SEPTIN11: variants seen among roughly 807,000 people sequenced by gnomAD.
The protein encoded by SEPTIN11 is septin-11.
A neutral mutation model predicts 51.4 loss-of-function variants in SEPTIN11; 25 were observed. The ratio of observed to expected loss-of-function variants is 0.49; its 90% CI spans 0.35 to 0.68. The LOEUF (loss-of-function observed/expected upper bound fraction) is 0.68, where lower values mean the gene tolerates loss of function less well. Ranked by LOEUF, SEPTIN11 falls within the 30% of genes least tolerant of loss-of-function variation. The probability of loss-of-function intolerance (pLI) is 0.00; values close to 1 mark genes in which losing one functional copy is unlikely to be tolerated. For synonymous variants in SEPTIN11, 174 were observed against 184.1 expected (o/e 0.95, Z 0.44); for missense variants, 381 against 520.8 (o/e 0.73, Z 2.61).
chr4:77,016,641 T>TATATATATATATATACACAC (rs1725310752), intron 5 of SEPTIN11, among the ~76,000 whole-genome samples: 1 of 97,110 alleles, frequency 1.0e-5, no homozygotes, highest in South Asian at 3.7e-4. Context: ...CACATATATA[T>TATATATATATATATACACAC]ATATATATAT....
At chr4:76,950,034 C>CGCGGCGGCG (rs141562324) in intron 1 of SEPTIN11, 104 bp downstream of exon 1, 1 of 1,102,936 alleles carries the variant, frequency 9.1e-7, no homozygotes, top group Admixed American at 4.2e-5. Flanking sequence ...TGCTCGGCCC[C>CGCGGCGGCG]GCGGCGGCGG....
chr4:77,007,340 C>G (rs1229833689), intron 3 of SEPTIN11, among the ~76,000 whole-genome samples: 1 of 152,198 alleles, frequency 6.6e-6, no homozygotes, highest in Non-Finnish European at 1.5e-5. Flanking sequence ...TCTTGCTTGT[C>G]CATTCCTTGA....
chr4:77,028,792 AT>A (rs750692666), intron 8 of SEPTIN11, 31 bp downstream of exon 8: 1 of 1,585,920 alleles, frequency 6.3e-7, no homozygotes, highest in South Asian at 1.2e-5. Context: ...CAAGGGAAAG[AT>A]TTGTAAGAGA....
At chr4:76,951,729 C>A (rs1205275078) in intron 1 of SEPTIN11, among the ~76,000 whole-genome samples, 6 of 152,158 alleles carry the variant, frequency 3.9e-5, no homozygotes, top group African/African-American at 1.4e-4. Flanking sequence ...TAATTAGCTG[C>A]ACATTTTCTA....
chr4:76,983,103 C>G (rs915677707), intron 1 of SEPTIN11, among the ~76,000 whole-genome samples: 3 of 152,190 alleles, frequency 2.0e-5, no homozygotes, highest in African/African-American at 7.2e-5. Context: ...TGTACACGCT[C>G]TGCATAATCC....
chr4:76,954,616 A>C (rs1721480073), intron 1 of SEPTIN11, among the ~76,000 whole-genome samples: 1 of 152,220 alleles, frequency 6.6e-6, no homozygotes, highest in African/African-American at 2.4e-5. Context: ...CAGACTTCTA[A>C]AAGGAATTTG....
chr4:77,028,256 A>G (rs1726324728), intron 7 of SEPTIN11, among the ~76,000 whole-genome samples: 1 of 152,064 alleles, frequency 6.6e-6, no homozygotes, highest in Non-Finnish European at 1.5e-5. Context: ...TCCAATCCGG[A>G]TCTGTGGGAC....
At chr4:76,971,266 C>G (rs1722228868) in intron 1 of SEPTIN11, among the ~76,000 whole-genome samples, 1 of 152,066 alleles carries the variant, frequency 6.6e-6, no homozygotes, top group South Asian at 2.1e-4. Context: ...TATATCAAAC[C>G]TATGAGATGT....
intron 1 of SEPTIN11, among the ~76,000 whole-genome samples, chr4:76,991,579 G>A (rs1399420816): frequency 6.5e-5 from 7 of 107,024 alleles, no homozygotes; most frequent in Non-Finnish European, 1.4e-4. Context: ...TTTGGGCATA[G>A]AAACATTTAT....
chr4:77,022,941 G>A (rs2109974361), intron 7 of SEPTIN11, among the ~76,000 whole-genome samples: 1 of 152,308 alleles, frequency 6.6e-6, no homozygotes, highest in South Asian at 2.1e-4. Flanking sequence ...CCTGGGGATT[G>A]TGAGGATTTC....
At chr4:76,993,494 G>A (rs915158898) in intron 1 of SEPTIN11, among the ~76,000 whole-genome samples, 3 of 152,164 alleles carry the variant, frequency 2.0e-5, no homozygotes, top group Admixed American at 6.5e-5. Context: ...TAAGGGAAGA[G>A]CTATAAAATG....
chr4:76,995,253 G>T (rs947421417), intron 1 of SEPTIN11, among the ~76,000 whole-genome samples: 4 of 151,596 alleles, frequency 2.6e-5, no homozygotes, highest in African/African-American at 7.3e-5. Context: ...GTGGTGGCGC[G>T]TGCCTATAAT....
chr4:77,035,050 CTTGCATGACAT>C lies in SEPTIN11; in HGVS notation c.*541_*551del. 1 of 985,490 alleles carries C rather than the reference CTTGCATGACAT, an allele frequency of 1.0e-6. No homozygotes were observed. Among genetic ancestry groups the C allele is most frequent in the Non-Finnish European group, 1.2e-6 (1 of 829,960 alleles). 61.0% of individuals were successfully genotyped at this position (985,490 alleles called of 1,614,324 possible). Reference sequence around the variant, plus strand: ...GCAAGCATTATATTTTATTTTTACCCTTGCATGACATTTTCATTTTAATCAATAACATTATT... The same window carrying C: ...GCAAGCATTATATTTTATTTTTACCCTTTCATTTTAATCAATAACATTATT... On this transcript the variant is annotated 3_prime_UTR_variant, in exon 10 of 10. Coordinates refer to ENST00000264893, the MANE Select transcript of SEPTIN11 (RefSeq NM_018243.4).
At position 77,030,897 on chromosome 4, in the gene SEPTIN11, G is replaced by A; in HGVS notation, c.1201G>A (p.Ala401Thr). 1 of 1,613,744 alleles carries A rather than the reference G, an allele frequency of 6.2e-7. No individual in the cohort carries two copies. The highest frequency in any genetic ancestry group is 8.5e-7 in the Non-Finnish European group (1 of 1,179,948). The change falls in exon 9 of 10, where the codon GCG becomes ACG. Residue 401 changes from alanine (A) to threonine (T), a missense_variant. Ala to Thr is a moderately conservative substitution (Grantham distance 58). Transcript: ENST00000264893. ...GAACAACTTCCAGAAGAAGAAAGCA[G>A]CGGCTCAGTTACTACAGTCCCAGGC... ...EVNNFQKKKAAAQLLQSQAQQ... is the reference protein window; with the variant it reads ...EVNNFQKKKATAQLLQSQAQQ...
intron 1 of SEPTIN11, chr4:76,958,855 AT>A: frequency 1.3e-6 from 2 of 1,481,778 alleles, no homozygotes; most frequent in Non-Finnish European, 1.9e-6. Context: ...AGAAAACATG[AT>A]TAGACTAATT....
Position 77,038,373 on chromosome 4 carries a change from T to C in SEPTIN11, c.*3861T>C. 1 of 985,888 alleles carries C rather than the reference T, an allele frequency of 1.0e-6. No homozygotes were observed. The highest frequency in any genetic ancestry group is 1.2e-6 in the Non-Finnish European group (1 of 829,924). The allele number at this position is 985,888 out of a possible 1,614,324, so 61.1% of individuals were successfully genotyped here. On this transcript the variant is annotated 3_prime_UTR_variant, in exon 10 of 10. Transcript: ENST00000264893. ...TTCTAAAACTGTCGTGTAATCTACTTTCATTGTTAATGCAGAATTGTCATA... is the reference window on the plus strand; with the variant it reads ...TTCTAAAACTGTCGTGTAATCTACTCTCATTGTTAATGCAGAATTGTCATA...
At chr4:77,018,071 T>C (rs1475352405) in intron 5 of SEPTIN11, among the ~76,000 whole-genome samples, 2 of 152,224 alleles carry the variant, frequency 1.3e-5, no homozygotes, top group Non-Finnish European at 2.9e-5. Context: ...TAAAAAGAAA[T>C]GTGAAATTAA....
At position 77,035,183 on chromosome 4, in the gene SEPTIN11, T is replaced by C. The variant is rs1309590731; in HGVS notation, c.*671T>C. 1.0e-6 allele frequency: 1 copy of C among 985,354 alleles called. No individual in the cohort carries two copies. The highest frequency in any genetic ancestry group is 1.2e-6 in the Non-Finnish European group (1 of 829,960). The allele number at this position is 985,354 out of a possible 1,614,324, so 61.0% of individuals were successfully genotyped here. On this transcript the variant is annotated 3_prime_UTR_variant, in exon 10 of 10. Transcript: ENST00000264893. ...CAATCCTGGCCAAGTTGGAGTAGAC[T>C]GGTATGAGAAAACTATGATTAGTTC...
Position 77,005,683 on chromosome 4 carries a change from A to G in SEPTIN11, c.225A>G (p.Glu75=). The G allele has an allele frequency of 6.2e-7, 1 of 1,614,062 alleles. No homozygotes were observed. ...AAAGTGACCCAGCTACTCACAATGAACCAGGTGTTCGGTTAAAAGCCAGAA... is the reference window on the plus strand; with the variant it reads ...AAAGTGACCCAGCTACTCACAATGAGCCAGGTGTTCGGTTAAAAGCCAGAA... The part of the protein sequence containing the change: ...KFESDPATHN[E]PGVRLKARSY... Residue 75 remains glutamate (E), a synonymous_variant, in exon 3 of 10, where the codon GAA becomes GAG. Coordinates refer to ENST00000264893, the MANE Select transcript of SEPTIN11 (RefSeq NM_018243.4).
Sources: allele counts gnomAD v4.1 joint callset (sites outside exome capture counted in the v4.1 genomes callset), GRCh38; gene constraint gnomAD v4.1.1; transcripts MANE v1.5; gene names NCBI Gene and HGNC (gene_info 2026-07-23, HGNC 2026-07-21).